CBLB: variants seen among roughly 807,000 people sequenced by gnomAD.
CBLB encodes E3 ubiquitin-protein ligase CBL-B.
In CBLB, 31 loss-of-function variants were observed where a neutral mutation model predicts 104.9. The observed-to-expected ratio is 0.30, with a 90% CI of 0.22 to 0.40. The LOEUF (loss-of-function observed/expected upper bound fraction) is 0.40. CBLB is among the 10% of genes least tolerant of loss of function. The pLI, the probability that CBLB is intolerant of heterozygous loss-of-function variation, is 1.00. For missense variants in CBLB, 1,062 were observed against 1,214.6 expected (o/e 0.87, Z 1.87); for synonymous variants, 440 against 422.6 (o/e 1.04, Z -0.51).
intron 12 of CBLB, among the ~76,000 whole-genome samples, chr3:105,694,838 A>G (rs1378927779): frequency 1.3e-5 from 2 of 151,860 alleles, no homozygotes; most frequent in Admixed American, 1.3e-4. Flanking sequence ...ACCTTTAAAT[A>G]CAATGATTTT....
At chr3:105,821,411 A>T (rs776028070) in intron 3 of CBLB, among the ~76,000 whole-genome samples, 15 of 152,182 alleles carry the variant, frequency 9.9e-5, no homozygotes, top group Non-Finnish European at 1.8e-4. Flanking sequence ...CAAATGATCT[A>T]ATCAGTCCTT....
chr3:105,830,341 A>G (rs760595464), intron 3 of CBLB, among the ~76,000 whole-genome samples: 46 of 152,190 alleles, frequency 3.0e-4, no homozygotes, highest in Non-Finnish European at 5.7e-4. Context: ...ACCAGAAGCA[A>G]TATTTCCTAT....
chr3:105,734,225 C>T (rs9657924), intron 8 of CBLB, 85 bp from the exon 9 acceptor site: 73,149 of 1,360,302 alleles, frequency 0.054, 3,214 homozygotes, highest in Admixed American at 0.21. Context: ...AATAAAATGA[C>T]GCACAGTCAA....
At chr3:105,774,227 C>T (rs2152959045) in intron 4 of CBLB, among the ~76,000 whole-genome samples, 1 of 152,146 alleles carries the variant, frequency 6.6e-6, no homozygotes, top group South Asian at 2.1e-4. Context: ...AGGCATGCTC[C>T]CACAGGAGAA....
At chr3:105,764,148 A>G (rs2077964498) in intron 4 of CBLB, among the ~76,000 whole-genome samples, 1 of 152,226 alleles carries the variant, frequency 6.6e-6, no homozygotes, top group Non-Finnish European at 1.5e-5. Flanking sequence ...AGACACATCC[A>G]GCAGAGAAGA....
At chr3:105,734,251 C>T in intron 8 of CBLB, 111 bp from the exon 9 acceptor site, 1 of 1,071,692 alleles carries the variant, frequency 9.3e-7, no homozygotes, top group Non-Finnish European at 1.4e-6. Flanking sequence ...CACAATTGAC[C>T]TTGTCAGAAT....
intron 11 of CBLB, among the ~76,000 whole-genome samples, chr3:105,703,286 G>C (rs2069536781): frequency 6.6e-6 from 1 of 152,184 alleles, no homozygotes; most frequent in Admixed American, 6.5e-5. Flanking sequence ...CAGGTTAACT[G>C]GTAATACAGG....
rs1046036554 is a variant in CBLB, at chr3:105,861,072, G to A, written c.168+6338C>T. ...ATGTTAAAAACCTATAAAATGTGTT[G>A]GATATTTTCAAAATGTGTCTTTCAT... On this transcript the variant is annotated intron_variant, in intron 2 of 18. Coordinates refer to ENST00000394030, the MANE Select transcript of CBLB (RefSeq NM_170662.5). Among the ~76,000 whole-genome samples, 4 of 151,610 alleles carry A rather than the reference G, an allele frequency of 2.6e-5. No homozygotes were observed. The South Asian group carries it at 8.4e-4, about 32-fold the overall frequency.
chr3:105,660,906 C>T (rs535561789), intron 18 of CBLB, among the ~76,000 whole-genome samples: 2 of 151,552 alleles, frequency 1.3e-5, no homozygotes, highest in African/African-American at 4.8e-5. Context: ...ATATAACATA[C>T]ATAAAACAAA....
chr3:105,808,887 A>C (rs2153034751), intron 3 of CBLB, among the ~76,000 whole-genome samples: 1 of 152,336 alleles, frequency 6.6e-6, no homozygotes, highest in African/African-American at 2.4e-5. Flanking sequence ...AGCACTGAAA[A>C]TAAATTAAGA....
chr3:105,865,462 T>C (rs1489235409), intron 2 of CBLB, among the ~76,000 whole-genome samples: 3 of 152,240 alleles, frequency 2.0e-5, no homozygotes, highest in Non-Finnish European at 2.9e-5. Flanking sequence ...CTTTTGATAA[T>C]AGATTTCCTT....
At chr3:105,690,441 A>T (rs980982084) in intron 13 of CBLB, among the ~76,000 whole-genome samples, 5 of 152,200 alleles carry the variant, frequency 3.3e-5, no homozygotes, top group Non-Finnish European at 5.9e-5. Context: ...TAAAAAGCTG[A>T]ATCTCAAAAG....
intron 4 of CBLB, 117 bp from the exon 5 acceptor site, chr3:105,751,735 AC>A (rs1199435585): frequency 2.9e-5 from 23 of 785,956 alleles, no homozygotes; most frequent in Non-Finnish European, 3.5e-5. Context: ...GTACTACCAG[AC>A]AAATATTTGA....
chr3:105,821,330 T>C (rs1441482172), intron 3 of CBLB, among the ~76,000 whole-genome samples: 1 of 151,964 alleles, frequency 6.6e-6, no homozygotes, highest in African/African-American at 2.4e-5. Context: ...GCCTAAGAGA[T>C]CCATAAATCT....
At chr3:105,714,667 A>G (rs956092751) in intron 10 of CBLB, among the ~76,000 whole-genome samples, 6 of 152,186 alleles carry the variant, frequency 3.9e-5, no homozygotes, top group Non-Finnish European at 8.8e-5. Context: ...TTCGCTCACT[A>G]GCCTGTTGCT....
chr3:105,769,317 T>C (rs1030602286), intron 4 of CBLB, among the ~76,000 whole-genome samples: 1 of 146,124 alleles, frequency 6.8e-6, no homozygotes, highest in Non-Finnish European at 1.5e-5. Context: ...AAACTCCACC[T>C]AAAAAAAAAA....
chr3:105,745,674 C>T (rs570180954), intron 6 of CBLB, among the ~76,000 whole-genome samples: 3 of 152,256 alleles, frequency 2.0e-5, no homozygotes, highest in South Asian at 4.1e-4. Context: ...CACATAAACA[C>T]GGATATCATG....
chr3:105,717,917 T>G (rs1213458142), intron 10 of CBLB, among the ~76,000 whole-genome samples: 2 of 152,206 alleles, frequency 1.3e-5, no homozygotes, highest in Admixed American at 1.3e-4. Context: ...TCTTAGGTCC[T>G]TGATCCCGTT....
In CBLB at chr3:105,867,588, A is replaced by G. The variant is rs2092497395; in HGVS notation, c.-11T>C. 1.9e-6 allele frequency: 3 copies of G among 1,614,064 alleles called. No individual in the cohort carries two copies. In the South Asian group the frequency reaches 3.3e-5, roughly 18 times the overall value. ...CATTGAGTTTGCCATCTGGAATTTT[A>G]GTTCTTTAAAAGGCAGATTTAAAAA... On this transcript the variant is annotated 5_prime_UTR_variant, in exon 2 of 19. Transcript: ENST00000394030.
Sources: allele counts gnomAD v4.1 joint callset (sites outside exome capture counted in the v4.1 genomes callset), GRCh38; gene constraint gnomAD v4.1.1; transcripts MANE v1.5; gene names NCBI Gene and HGNC (gene_info 2026-07-23, HGNC 2026-07-21).